The following MYOZ2 variants were observed in gnomAD, a reference collection of about 807,000 sequenced individuals.
MYOZ2 encodes myozenin 2, also known as myozenin-2.
MYOZ2 carries 19 observed loss-of-function variants against 25.4 expected under a neutral mutation model. That is an observed-to-expected ratio of 0.75 (90% CI 0.52 to 1.10). The LOEUF (loss-of-function observed/expected upper bound fraction) is 1.10. MYOZ2 is among the 50% of genes least tolerant of loss of function. The pLI is 0.00. For missense variants in MYOZ2, 270 were observed against 317.9 expected (o/e 0.85, Z 1.15); for synonymous variants, 92 against 106.9 (o/e 0.86, Z 0.86).
At chr4:119,168,006 T>C (rs917360807) in intron 5 of MYOZ2, among the ~76,000 whole-genome samples, 8 of 152,258 alleles carry the variant, frequency 5.3e-5, no homozygotes, top group African/African-American at 1.7e-4. Context: ...GGAGTCTCGC[T>C]CTGTCACCCA....
intron 2 of MYOZ2, among the ~76,000 whole-genome samples, chr4:119,144,721 T>A (rs528595420): frequency 1.3e-5 from 2 of 152,360 alleles, no homozygotes; most frequent in South Asian, 4.1e-4. Flanking sequence ...TCTTTTCAAA[T>A]GCTTATTTGC....
chr4:119,147,276 T>G (rs1042052126), intron 2 of MYOZ2, among the ~76,000 whole-genome samples: 4 of 140,624 alleles, frequency 2.8e-5, no homozygotes, highest in Non-Finnish European at 4.5e-5. Context: ...TACATTCCTG[T>G]TTTTTTTTTC....
At chr4:119,161,359 C>T (rs1037453113) in intron 4 of MYOZ2, among the ~76,000 whole-genome samples, 1 of 152,062 alleles carries the variant, frequency 6.6e-6, no homozygotes, top group Admixed American at 6.6e-5. Flanking sequence ...AGTAAACAAA[C>T]TATAATTATT....
chr4:119,174,409 G>C (rs1440969861), intron 5 of MYOZ2, among the ~76,000 whole-genome samples: 2 of 152,070 alleles, frequency 1.3e-5, no homozygotes, highest in African/African-American at 4.8e-5. Flanking sequence ...TCTGTATCTA[G>C]CTGCTCTGGT....
intron 5 of MYOZ2, among the ~76,000 whole-genome samples, chr4:119,177,892 TC>T (rs555261129): frequency 7.7e-4 from 118 of 152,324 alleles, no homozygotes; most frequent in Admixed American, 4.2e-3. Flanking sequence ...AAATATCTTT[TC>T]CCCAGGCTCT....
At chr4:119,148,192 G>A (rs750926164) in intron 2 of MYOZ2, among the ~76,000 whole-genome samples, 57 of 152,226 alleles carry the variant, frequency 3.7e-4, no homozygotes, top group Non-Finnish European at 7.8e-4. Flanking sequence ...GGCCTCCATG[G>A]TTTCTGATGA....
At chr4:119,170,281 TTG>T (rs1453134789) in intron 5 of MYOZ2, among the ~76,000 whole-genome samples, 1 of 124,512 alleles carries the variant, frequency 8.0e-6, no homozygotes, top group Non-Finnish European at 1.9e-5. Context: ...ACAGTATTTG[TTG>T]TTTTTTTTTT....
At chr4:119,162,371 A>C (rs1741728940) in intron 4 of MYOZ2, among the ~76,000 whole-genome samples, 1 of 152,184 alleles carries the variant, frequency 6.6e-6, no homozygotes, top group African/African-American at 2.4e-5. Context: ...TCCCCTGAGC[A>C]GGGGAAGAGC....
intron 5 of MYOZ2, among the ~76,000 whole-genome samples, chr4:119,174,194 G>T (rs564925066): frequency 6.6e-6 from 1 of 152,372 alleles, no homozygotes; most frequent in South Asian, 2.1e-4. Context: ...GGACTGGCAG[G>T]CAGCTCCACC....
At position 119,136,621 on chromosome 4, in the gene MYOZ2, G is replaced by T; in HGVS notation, c.76+20G>T. On this transcript the variant is annotated intron_variant, in intron 2 of 5. Coordinates refer to ENST00000307128, the MANE Select transcript of MYOZ2 (RefSeq NM_016599.5). ...GAAATGGTATCAATAAAAATCCTTC[G>T]TAGCATTAATATAGCACAGCATGAA... is the stretch of plus-strand genomic sequence containing the variant. 1 of 1,603,082 alleles carries T rather than the reference G, an allele frequency of 6.2e-7. No homozygotes were observed. The highest frequency in any genetic ancestry group is 8.5e-7 in the Non-Finnish European group (1 of 1,170,866).
intron 5 of MYOZ2, 21 bp downstream of exon 5, chr4:119,164,415 G>A: frequency 1.2e-6 from 2 of 1,613,536 alleles, no homozygotes; most frequent in Non-Finnish European, 1.7e-6. Flanking sequence ...GGTCCTGGGT[G>A]ACACTGTTGG....
At chr4:119,178,241 TC>T (rs1376830601) in intron 5 of MYOZ2, among the ~76,000 whole-genome samples, 1 of 152,126 alleles carries the variant, frequency 6.6e-6, no homozygotes, top group East Asian at 1.9e-4. Context: ...CTTTCCAAAC[TC>T]CGTATGTTAG....
intron 5 of MYOZ2, among the ~76,000 whole-genome samples, chr4:119,176,520 G>A (rs1452532083): frequency 6.6e-6 from 1 of 152,124 alleles, no homozygotes; most frequent in African/African-American, 2.4e-5. Context: ...ACTGTGCCTG[G>A]CCCTGAACAA....
intron 3 of MYOZ2, among the ~76,000 whole-genome samples, chr4:119,157,200 T>C (rs1211489495): frequency 6.6e-6 from 1 of 152,202 alleles, no homozygotes; most frequent in African/African-American, 2.4e-5. Flanking sequence ...AAAAGATGAT[T>C]TGACCTAATC....
intron 2 of MYOZ2, among the ~76,000 whole-genome samples, chr4:119,139,043 A>G (rs1240589480): frequency 6.6e-6 from 1 of 152,204 alleles, no homozygotes; most frequent in Non-Finnish European, 1.5e-5. Context: ...AATGAGTGAG[A>G]GGTGGATAAC....
At chr4:119,136,428 A>G (rs1741022055) in intron 1 of MYOZ2, 84 bp from the exon 2 acceptor site, 1 of 1,183,216 alleles carries the variant, frequency 8.5e-7, no homozygotes, top group Non-Finnish European at 1.2e-6. Context: ...AAGAACAAAG[A>G]TGTTGTCTTT....
At chr4:119,174,330 C>G (rs1742008465) in intron 5 of MYOZ2, among the ~76,000 whole-genome samples, 1 of 151,610 alleles carries the variant, frequency 6.6e-6, no homozygotes, top group African/African-American at 2.4e-5. Flanking sequence ...GTATCTAGCT[C>G]AAGGTTTGTA....
At chr4:119,169,749 T>C (rs1741909950) in intron 5 of MYOZ2, among the ~76,000 whole-genome samples, 1 of 152,188 alleles carries the variant, frequency 6.6e-6, no homozygotes, top group Admixed American at 6.5e-5. Context: ...AAATATTCCA[T>C]ACTTTCAGCT....
intron 5 of MYOZ2, among the ~76,000 whole-genome samples, chr4:119,174,542 G>A (rs1742014351): frequency 6.6e-6 from 1 of 152,150 alleles, no homozygotes; most frequent in East Asian, 1.9e-4. Context: ...CTCTGGTGGG[G>A]CCTTGGAGAA....
Sources: gnomAD v4.1 joint callset for allele counts (sites outside exome capture counted in the v4.1 genomes callset) on GRCh38, gnomAD v4.1.1 for gene constraint, MANE v1.5 for transcripts, NCBI Gene and HGNC (gene_info 2026-07-23, HGNC 2026-07-21) for gene names.